PRKN: variants seen among roughly 807,000 people sequenced by gnomAD.
PRKN encodes E3 ubiquitin-protein ligase parkin.
In PRKN, 56 loss-of-function variants were observed where a neutral mutation model predicts 59.5. The observed-to-expected ratio is 0.94, with a 90% CI of 0.76 to 1.18. PRKN has a LOEUF of 1.18. Ranked by LOEUF, PRKN falls within the 50% of genes most tolerant of loss-of-function variation. The pLI, the probability that PRKN is intolerant of heterozygous loss-of-function variation, is 0.00. For missense variants in PRKN, 657 were observed against 596.4 expected, an observed-to-expected ratio of 1.10 and a Z score of -1.06; for synonymous variants, 250 against 222.1, an observed-to-expected ratio of 1.13 and a Z score of -1.12.
intron 9 of PRKN, among the ~76,000 whole-genome samples, chr6:161,443,989 C>T (rs1789371954): frequency 6.6e-6 from 1 of 152,254 alleles, no homozygotes; most frequent in Non-Finnish European, 1.5e-5. Context: ...ATTTAATTTA[C>T]ATGAAATTCG....
intron 6 of PRKN, among the ~76,000 whole-genome samples, chr6:161,820,247 A>T (rs528010037): frequency 1.6e-4 from 24 of 152,116 alleles, no homozygotes; most frequent in African/African-American, 5.3e-4. Context: ...GGGTTCACTC[A>T]TACATTGCTA....
intron 9 of PRKN, among the ~76,000 whole-genome samples, chr6:161,496,702 C>G (rs979399861): frequency 6.6e-6 from 1 of 152,188 alleles, no homozygotes; most frequent in Non-Finnish European, 1.5e-5. Context: ...GGTGGGGACA[C>G]AGCCAAACCA....
Position 161,410,328 on chromosome 6 carries a change from G to A in PRKN, c.1084-23451C>T, listed in dbSNP as rs1042908493. 7.2e-5 allele frequency among the ~76,000 whole-genome samples: 11 copies of A among 152,280 alleles called. No homozygotes were observed. Among genetic ancestry groups the A allele is most frequent in the Admixed American group, 2.6e-4 (4 of 15,304 alleles). Reference sequence around the variant, plus strand: ...GAGTGGTGGTTGATGTGAGCGCCATGCTGAGCCCCGCTCATACCCACTGGG... The same window carrying A: ...GAGTGGTGGTTGATGTGAGCGCCATACTGAGCCCCGCTCATACCCACTGGG... On this transcript the variant is annotated intron_variant, in intron 9 of 11. Coordinates refer to ENST00000366898, the MANE Select transcript of PRKN (RefSeq NM_004562.3). This position sits in a 1 kb window ranked among gnomAD's most constrained non-coding sequence, Gnocchi z 5.3.
intron 9 of PRKN, among the ~76,000 whole-genome samples, chr6:161,438,705 G>A (rs981018756): frequency 2.6e-5 from 4 of 152,192 alleles, no homozygotes; most frequent in Admixed American, 6.5e-5. Context: ...GATGATGGAT[G>A]TTGTTAAGGA....
intron 11 of PRKN, among the ~76,000 whole-genome samples, chr6:161,358,864 G>A (rs1246127061): frequency 1.5e-5 from 2 of 132,730 alleles, no homozygotes; most frequent in Admixed American, 8.7e-5. Context: ...GTGCAATCTC[G>A]GCTCACTGCA....
intron 1 of PRKN, among the ~76,000 whole-genome samples, chr6:162,544,591 T>C (rs978929201): frequency 1.3e-5 from 2 of 152,076 alleles, no homozygotes; most frequent in Non-Finnish European, 2.9e-5. Context: ...CATTTTTATC[T>C]TCTCACTTTA....
At chr6:162,570,836 G>GA (rs1159422133) in intron 1 of PRKN, among the ~76,000 whole-genome samples, 2 of 151,826 alleles carry the variant, frequency 1.3e-5, no homozygotes, top group African/African-American at 2.4e-5. Context: ...GGATGGGAGG[G>GA]AAAAAAATAG....
chr6:161,701,912 G>A (rs540816521), intron 7 of PRKN, among the ~76,000 whole-genome samples: 1 of 152,272 alleles, frequency 6.6e-6, no homozygotes, highest in East Asian at 1.9e-4. Context: ...ACTTCATGTG[G>A]TCGCCAGTGG....
chr6:162,262,386 T>C, intron 3 of PRKN, 139 bp downstream of exon 3: 1 of 945,732 alleles, frequency 1.1e-6, no homozygotes, highest in East Asian at 2.4e-5. Context: ...CCTACAGTGA[T>C]GTCTCCTTGT....
chr6:161,567,037 T>TTTGTG lies in PRKN; in HGVS notation c.933+2317_933+2318insCACAA, dbSNP rs548743646. Among the ~76,000 whole-genome samples the TTTGTG allele has an allele frequency of 4.0e-3, 417 of 103,794 alleles. 2 individuals are homozygous for TTTGTG. Among genetic ancestry groups the TTTGTG allele is most frequent in the African/African-American group, 0.014 (360 of 25,384 alleles). 68.1% of individuals were successfully genotyped at this position (103,794 alleles called of 152,430 possible). ...CACTGTCCTTGTTTTTTTTTTTTTT[T>TTTGTG]TGTGTGTGTGTGTGTGTGTGTGAGA... On this transcript the variant is annotated intron_variant, in intron 8 of 11. Transcript: ENST00000366898.
At chr6:161,913,510 A>G (rs1369096164) in intron 6 of PRKN, among the ~76,000 whole-genome samples, 1 of 152,240 alleles carries the variant, frequency 6.6e-6, no homozygotes, top group Non-Finnish European at 1.5e-5. Flanking sequence ...AAGTTTAACA[A>G]TGAATAAAAT....
intron 1 of PRKN, among the ~76,000 whole-genome samples, chr6:162,584,454 G>C (rs941867130): frequency 1.3e-5 from 2 of 151,916 alleles, no homozygotes; most frequent in Non-Finnish European, 2.9e-5. Flanking sequence ...CCCCTAAAAA[G>C]AATTTAAACA....
intron 2 of PRKN, among the ~76,000 whole-genome samples, chr6:162,408,091 T>C (rs993318477): frequency 2.0e-5 from 3 of 152,152 alleles, no homozygotes; most frequent in African/African-American, 7.2e-5. Flanking sequence ...TATATAAAAT[T>C]CCTACTCTCA....
chr6:161,835,077 A>C (rs1792691388), intron 6 of PRKN, among the ~76,000 whole-genome samples: 1 of 152,100 alleles, frequency 6.6e-6, no homozygotes, highest in Non-Finnish European at 1.5e-5. Flanking sequence ...TGATTTCACT[A>C]ATTCTTTCTC....
chr6:161,704,810 G>C (rs1480892548), intron 7 of PRKN, among the ~76,000 whole-genome samples: 1 of 152,112 alleles, frequency 6.6e-6, no homozygotes, highest in African/African-American at 2.4e-5. Flanking sequence ...AATGATCTAT[G>C]CTTCCTCCTC....
chr6:162,420,929 C>G (rs1473509792), intron 2 of PRKN, among the ~76,000 whole-genome samples: 1 of 152,140 alleles, frequency 6.6e-6, no homozygotes, highest in African/African-American at 2.4e-5. Context: ...AAAACCAGAA[C>G]AGCAAACCTA....
At chr6:161,867,319 G>A (rs1310240065) in intron 6 of PRKN, among the ~76,000 whole-genome samples, 1 of 152,140 alleles carries the variant, frequency 6.6e-6, no homozygotes, top group Non-Finnish European at 1.5e-5. Flanking sequence ...ATGCTGTTGT[G>A]ACAACATTTT....
In PRKN at chr6:161,533,373, A is replaced by G. The variant is rs1779292617; in HGVS notation, c.1083+15481T>C. On this transcript the variant is annotated intron_variant, in intron 9 of 11. Coordinates refer to ENST00000366898, the MANE Select transcript of PRKN (RefSeq NM_004562.3). The surrounding 1 kb of genome is among the most constrained non-coding windows in gnomAD (Gnocchi z 4.1). Reference sequence around the variant, plus strand: ...TTTCCAACAAAGAGCAGCCTGTAAAATCGACCTGCAGACACAAACAAGCAT... The same window carrying G: ...TTTCCAACAAAGAGCAGCCTGTAAAGTCGACCTGCAGACACAAACAAGCAT... 6.6e-6 allele frequency among the ~76,000 whole-genome samples: 1 copy of G among 152,156 alleles called. No homozygotes were observed. Among genetic ancestry groups the G allele is most frequent in the Non-Finnish European group, 1.5e-5 (1 of 68,034 alleles).
chr6:162,089,522 C>G (rs540952046), intron 4 of PRKN, among the ~76,000 whole-genome samples: 13 of 152,284 alleles, frequency 8.5e-5, no homozygotes, highest in African/African-American at 3.1e-4. Flanking sequence ...ATATCTCCAG[C>G]AACTTCCCTT....
Sources: gnomAD v4.1 joint callset for allele counts (sites outside exome capture counted in the v4.1 genomes callset) on GRCh38, gnomAD v4.1.1 for gene constraint, Gnocchi (gnomAD v3.1) non-coding constraint, MANE v1.5 for transcripts, NCBI Gene and HGNC (gene_info 2026-07-23, HGNC 2026-07-21) for gene names.